Variants in SORBS2 observed in about 807,000 individuals in gnomAD.
The protein encoded by SORBS2 is sorbin and SH3 domain containing 2, also known as sorbin and SH3 domain-containing protein 2.
SORBS2 carries 46 observed loss-of-function variants against 97.7 expected under a neutral mutation model. The observed-to-expected ratio is 0.47, with a 90% CI of 0.37 to 0.60. The LOEUF (loss-of-function observed/expected upper bound fraction) is 0.60, where lower values mean the gene tolerates loss of function less well. SORBS2 is among the 20% of genes least tolerant of loss of function. The pLI is 0.00. For missense variants in SORBS2, 1,316 were observed against 1,282.3 expected (o/e 1.03, Z -0.40); for synonymous variants, 476 against 473.4 (o/e 1.01, Z -0.07).
At chr4:185,741,412 T>TTG (rs1554242027) in intron 2 of SORBS2, among the ~76,000 whole-genome samples, 1 of 144,986 alleles carries the variant, frequency 6.9e-6, no homozygotes, top group East Asian at 2.0e-4. Flanking sequence ...TTGTTTTTTT[T>TTG]TTTTTTTTTG....
intron 2 of SORBS2, chr4:185,756,960 A>G (rs1276644078): frequency 2.7e-6 from 4 of 1,466,600 alleles, no homozygotes; most frequent in Non-Finnish European, 3.8e-6. Context: ...ATTTTGGTCC[A>G]TTAATTCACC....
At chr4:185,892,175 G>C (rs1205561385) in intron 1 of SORBS2, among the ~76,000 whole-genome samples, 1 of 152,136 alleles carries the variant, frequency 6.6e-6, no homozygotes, top group Non-Finnish European at 1.5e-5. Context: ...AGAAATCTTT[G>C]AGCATCAAAG....
At chr4:185,608,434 C>T (rs957598651) in intron 12 of SORBS2, among the ~76,000 whole-genome samples, 3 of 152,154 alleles carry the variant, frequency 2.0e-5, no homozygotes, top group East Asian at 1.9e-4. Context: ...CTTCAGCTCC[C>T]GTTCTCTTTC....
chr4:185,623,572 C>T lies in SORBS2; in HGVS notation c.1557G>A (p.Gly519=). ...AGTCACTTTCACTGCAGAAGGATGA[C>T]CCCTCTAGGTGAATGTAGTCACTGT... The change falls in exon 7 of 15, where the codon GGG becomes GGA. Residue 519 remains glycine (G), a synonymous_variant. Transcript: ENST00000418609. The surrounding 1 kb of genome is among the most constrained non-coding windows in gnomAD (Gnocchi z 6.4). The T allele has an allele frequency of 6.2e-7, 1 of 1,614,080 alleles. No individual in the cohort carries two copies. Among genetic ancestry groups the T allele is most frequent in the South Asian group, 1.1e-5 (1 of 91,062 alleles).
At chr4:185,739,817 A>G (rs1270092712) in intron 2 of SORBS2, among the ~76,000 whole-genome samples, 1 of 152,318 alleles carries the variant, frequency 6.6e-6, no homozygotes, top group South Asian at 2.1e-4. Context: ...GATTAATGAT[A>G]CACTAAGAAA....
In SORBS2 at chr4:185,606,797, C is replaced by G. The variant is rs2096432901; in HGVS notation, c.2796+4983G>C. ...CCTCTCTGGATGCCTGACACAATCC[C>G]CTCATAGATGCCCTCATCTTCCTCT... is the stretch of plus-strand genomic sequence containing the variant. On this transcript the variant is annotated intron_variant, in intron 12 of 14. Transcript: ENST00000418609. The surrounding 1 kb of genome is among the most constrained non-coding windows in gnomAD (Gnocchi z 4.3). 1 of 985,268 alleles carries G rather than the reference C, an allele frequency of 1.0e-6. No homozygotes were observed. The highest frequency in any genetic ancestry group is 6.2e-5 in the Admixed American group (1 of 16,258). The allele number at this position is 985,268 out of a possible 1,614,324, so 61.0% of individuals were successfully genotyped here.
At chr4:185,618,701 G>A in intron 8 of SORBS2, 70 bp from the exon 21 acceptor site, 1 of 984,146 alleles carries the variant, frequency 1.0e-6, no homozygotes, top group Non-Finnish European at 1.5e-6. Context: ...AGTTTAATGT[G>A]CCTTAAAGAA....
intron 1 of SORBS2, among the ~76,000 whole-genome samples, chr4:185,876,121 T>A (rs2099233519): frequency 6.6e-6 from 1 of 152,160 alleles, no homozygotes; most frequent in Non-Finnish European, 1.5e-5. Context: ...TTTTTTTGTT[T>A]TTTTTTGAGA....
At chr4:185,939,692 T>C (rs1197877543) in intron 1 of SORBS2, among the ~76,000 whole-genome samples, 1 of 152,120 alleles carries the variant, frequency 6.6e-6, no homozygotes, top group Non-Finnish European at 1.5e-5. Flanking sequence ...GTATTTTTAG[T>C]AGACAGGGTT....
intron 2 of SORBS2, among the ~76,000 whole-genome samples, chr4:185,733,039 G>A (rs1313287794): frequency 3.9e-5 from 6 of 152,146 alleles, no homozygotes; most frequent in Non-Finnish European, 7.3e-5. Flanking sequence ...CAGGCAACCC[G>A]GCCCTGCTGA....
exon 11 of SORBS2, chr4:185,614,946 G>C: frequency 6.2e-7 from 1 of 1,614,144 alleles, no homozygotes. Context: ...TGCTTTCTCA[G>C]GAGGTGTGAG....
intron 4 of SORBS2, among the ~76,000 whole-genome samples, chr4:185,662,855 G>A (rs1294783430): frequency 6.6e-6 from 1 of 152,212 alleles, no homozygotes; most frequent in East Asian, 1.9e-4. Flanking sequence ...CAGCCTCATT[G>A]AGCACTTCAT....
chr4:185,904,247 A>G (rs1451813094), intron 1 of SORBS2, among the ~76,000 whole-genome samples: 1 of 152,226 alleles, frequency 6.6e-6, no homozygotes, highest in East Asian at 1.9e-4. Context: ...GAGCAGCAGG[A>G]TCTTCGTCTG....
chr4:185,768,785 T>C (rs950154962), intron 2 of SORBS2, among the ~76,000 whole-genome samples: 3 of 151,692 alleles, frequency 2.0e-5, no homozygotes, highest in Admixed American at 1.3e-4. Flanking sequence ...AAGGGGAGTA[T>C]GCAAGGGCGA....
At chr4:185,945,761 G>T (rs2099274229) in intron 1 of SORBS2, among the ~76,000 whole-genome samples, 1 of 152,198 alleles carries the variant, frequency 6.6e-6, no homozygotes, top group South Asian at 2.1e-4. Context: ...ATCCATGCTG[G>T]CTAAGTGTGT....
chr4:185,588,519 C>A (rs778467670), intron 14 of SORBS2, among the ~76,000 whole-genome samples: 4 of 151,642 alleles, frequency 2.6e-5, no homozygotes, highest in Admixed American at 6.6e-5. Context: ...CTCCTATATC[C>A]TGGCACTTAC....
chr4:185,903,789 C>G (rs189451695), intron 1 of SORBS2, among the ~76,000 whole-genome samples: 2 of 152,244 alleles, frequency 1.3e-5, no homozygotes, highest in African/African-American at 4.8e-5. Context: ...AACTTACAAA[C>G]CTGGCTTTGG....
chr4:185,648,895 A>G (rs2153457483), intron 3 of SORBS2, among the ~76,000 whole-genome samples: 1 of 152,316 alleles, frequency 6.6e-6, no homozygotes, highest in African/African-American at 2.4e-5. Flanking sequence ...CTATAAGTAG[A>G]AGTATTAGTC....
chr4:185,951,745 T>C (rs1409069098), intron 1 of SORBS2, among the ~76,000 whole-genome samples: 1 of 152,258 alleles, frequency 6.6e-6, no homozygotes. Context: ...AAATTGAGAC[T>C]ATTAATTTGG....
Sources: allele counts gnomAD v4.1 joint callset (sites outside exome capture counted in the v4.1 genomes callset), GRCh38; gene constraint gnomAD v4.1.1; non-coding constraint Gnocchi (gnomAD v3.1); transcripts MANE v1.5; gene names NCBI Gene and HGNC (gene_info 2026-07-23, HGNC 2026-07-21).